Variants in BTBD9 observed in about 807,000 individuals in gnomAD.
The protein encoded by BTBD9 is BTB domain containing 9.
In BTBD9, 49 loss-of-function variants were observed where a neutral mutation model predicts 64.3. The ratio of observed to expected loss-of-function variants is 0.76; its 90% CI spans 0.61 to 0.97. The LOEUF (loss-of-function observed/expected upper bound fraction) is 0.97, where lower values mean the gene tolerates loss of function less well. Among genes scored for constraint, BTBD9 ranks in the 50% least tolerant of loss-of-function variants. The pLI is 0.00. For missense variants in BTBD9, 598 were observed against 762.1 expected, an observed-to-expected ratio of 0.78 and a Z score of 2.53; for synonymous variants, 260 against 274.7, an observed-to-expected ratio of 0.95 and a Z score of 0.53.
chr6:38,218,678 G>C (rs1763093522), intron 9 of BTBD9, among the ~76,000 whole-genome samples: 1 of 152,182 alleles, frequency 6.6e-6, no homozygotes, highest in Non-Finnish European at 1.5e-5. Context: ...TCTAAATCCT[G>C]AAGTTGAATG....
At chr6:38,180,202 G>C (rs554729262) in intron 10 of BTBD9, among the ~76,000 whole-genome samples, 1 of 152,102 alleles carries the variant, frequency 6.6e-6, no homozygotes, top group South Asian at 2.1e-4. Context: ...ATGGGCATTC[G>C]GGGGGGCCTG....
At chr6:38,331,389 G>C (rs1366109159) in intron 7 of BTBD9, among the ~76,000 whole-genome samples, 1 of 152,094 alleles carries the variant, frequency 6.6e-6, no homozygotes, top group African/African-American at 2.4e-5. Flanking sequence ...TGAGACATAA[G>C]AATCACTTGA....
intron 2 of BTBD9, among the ~76,000 whole-genome samples, chr6:38,596,976 A>G (rs1395096727): frequency 6.6e-6 from 1 of 152,212 alleles, no homozygotes; most frequent in Non-Finnish European, 1.5e-5. Context: ...TAGGAAGAAT[A>G]GGAGAGTGCT....
At chr6:38,284,175 G>C (rs1006581810) in intron 8 of BTBD9, among the ~76,000 whole-genome samples, 2 of 151,900 alleles carry the variant, frequency 1.3e-5, no homozygotes, top group Non-Finnish European at 2.9e-5. Flanking sequence ...CAATTGCATG[G>C]ATTTTTTTTT....
rs7757758 is a variant in BTBD9 at position 38,555,214 on chromosome 6, T to C, written c.1154+22386A>G. On this transcript the variant is annotated intron_variant, in intron 6 of 10. Coordinates refer to ENST00000481247, the MANE Select transcript of BTBD9 (RefSeq NM_001099272.2). ...CTCACTGGTTAAAAGACAATTTTACTAAGGATGACTCACCCCATCTCTAAC... is the reference window on the plus strand; with the variant it reads ...CTCACTGGTTAAAAGACAATTTTACCAAGGATGACTCACCCCATCTCTAAC... 5.4e-3 allele frequency among the ~76,000 whole-genome samples: 821 copies of C among 152,336 alleles called. 3 individuals carry two copies. Among genetic ancestry groups the C allele is most frequent in the African/African-American group, 0.018 (762 of 41,580 alleles).
intron 6 of BTBD9, among the ~76,000 whole-genome samples, chr6:38,395,685 G>C (rs1766635643): frequency 6.6e-6 from 1 of 151,258 alleles, no homozygotes; most frequent in East Asian, 2.0e-4. Flanking sequence ...CCTAGAAACT[G>C]TGAGATAATA....
intron 1 of BTBD9, among the ~76,000 whole-genome samples, chr6:38,628,490 G>A (rs1299178322): frequency 2.0e-5 from 3 of 152,242 alleles, no homozygotes; most frequent in South Asian, 4.1e-4. Flanking sequence ...TAAATATGTT[G>A]TCAATAAAGG....
intron 9 of BTBD9, among the ~76,000 whole-genome samples, chr6:38,230,240 A>T (rs963855693): frequency 6.6e-6 from 1 of 152,182 alleles, no homozygotes; most frequent in African/African-American, 2.4e-5. Context: ...CATGCCTGTA[A>T]TCCCAGCACT....
At chr6:38,323,786 TA>T (rs1211750901) in intron 7 of BTBD9, among the ~76,000 whole-genome samples, 2 of 152,166 alleles carry the variant, frequency 1.3e-5, no homozygotes, top group African/African-American at 4.8e-5. Context: ...CACCAAATCA[TA>T]AAATTAATAG....
intron 6 of BTBD9, among the ~76,000 whole-genome samples, chr6:38,463,884 T>C (rs548964728): frequency 1.4e-4 from 22 of 152,124 alleles, no homozygotes; most frequent in Admixed American, 1.0e-3. Flanking sequence ...ATACAAAAAT[T>C]AGCCAGGCAT....
In BTBD9 at chr6:38,296,780, C is replaced by T. The variant is rs368729207; in HGVS notation, c.1265-8319G>A. Among the ~76,000 whole-genome samples, 18 of 152,160 alleles carry T rather than the reference C, an allele frequency of 1.2e-4. No homozygotes were observed. The South Asian group carries it at 2.1e-3, about 18-fold the overall frequency. On this transcript the variant is annotated intron_variant, in intron 7 of 10. Transcript: ENST00000481247. ...TTGACCCACGAATTATTCAGAAGTACGTTTTCAACTTTCTAAACATCGTTT... is the reference window on the plus strand; with the variant it reads ...TTGACCCACGAATTATTCAGAAGTATGTTTTCAACTTTCTAAACATCGTTT...
intron 9 of BTBD9, among the ~76,000 whole-genome samples, chr6:38,206,969 A>G (rs1762677151): frequency 6.6e-6 from 1 of 152,222 alleles, no homozygotes; most frequent in Non-Finnish European, 1.5e-5. Context: ...AGGAAGTACA[A>G]GTTGACATAC....
At chr6:38,616,649 T>G (rs913406467) in intron 1 of BTBD9, among the ~76,000 whole-genome samples, 22 of 152,042 alleles carry the variant, frequency 1.4e-4, no homozygotes, top group Non-Finnish European at 2.9e-5. Flanking sequence ...ATCAGCAGGA[T>G]TCTAAAAGTA....
At chr6:38,601,679 C>G (rs904519602) in intron 1 of BTBD9, among the ~76,000 whole-genome samples, 1 of 151,810 alleles carries the variant, frequency 6.6e-6, no homozygotes, top group African/African-American at 2.4e-5. Context: ...CAGCAAGACC[C>G]TGTCTCAAAA....
intron 4 of BTBD9, among the ~76,000 whole-genome samples, chr6:38,586,887 ACC>A (rs2127484002): frequency 6.6e-6 from 1 of 151,798 alleles, no homozygotes; most frequent in Non-Finnish European, 1.5e-5. Flanking sequence ...ACCTGGTGAA[ACC>A]CCATCTCTAC....
intron 1 of BTBD9, among the ~76,000 whole-genome samples, chr6:38,628,405 G>C (rs1778242445): frequency 6.6e-6 from 1 of 152,128 alleles, no homozygotes; most frequent in Non-Finnish European, 1.5e-5. Context: ...CTAGTTAGTG[G>C]GTTTCTTTTT....
chr6:38,239,459 A>AAAAAAT (rs1554131097), intron 9 of BTBD9, among the ~76,000 whole-genome samples: 1 of 148,762 alleles, frequency 6.7e-6, no homozygotes, highest in Non-Finnish European at 1.5e-5. Flanking sequence ...AAAAAAAAAA[A>AAAAAAT]AGATATAATC....
rs771737210 is a variant in BTBD9 at position 38,222,254 on chromosome 6, G to GTTTTTTTTTTTTTT, written c.1563-29658_1563-29657insAAAAAAAAAAAAAA. Among the ~76,000 whole-genome samples the GTTTTTTTTTTTTTT allele has an allele frequency of 8.3e-5, 8 of 96,702 alleles. 1 individual carries two copies. The highest frequency in any genetic ancestry group is 1.3e-4 in the Non-Finnish European group (7 of 52,558). The allele number at this position is 96,702 out of a possible 152,430, so 63.4% of individuals were successfully genotyped here. On this transcript the variant is annotated intron_variant, in intron 9 of 10. Coordinates refer to ENST00000481247, the MANE Select transcript of BTBD9 (RefSeq NM_001099272.2). ...TAAATTAGCCTTAATAATTCATTCAGTTGTTTTTTTTTTTTTTTTTTTTTT... is the reference window on the plus strand; with the variant it reads ...TAAATTAGCCTTAATAATTCATTCAGTTTTTTTTTTTTTTTTGTTTTTTTTTTTTTTTTTTTTTT...
intron 6 of BTBD9, among the ~76,000 whole-genome samples, chr6:38,463,680 T>C (rs777923351): frequency 2.0e-5 from 3 of 152,236 alleles, no homozygotes; most frequent in Non-Finnish European, 2.9e-5. Flanking sequence ...CTAATTCATA[T>C]GTCACAGTCT....
Sources: allele counts gnomAD v4.1 joint callset (sites outside exome capture counted in the v4.1 genomes callset), GRCh38; gene constraint gnomAD v4.1.1; transcripts MANE v1.5; gene names NCBI Gene and HGNC (gene_info 2026-07-23, HGNC 2026-07-21).